NXPE2: variants seen among roughly 807,000 people sequenced by gnomAD.
NXPE2 encodes NXPE family member 2.
In NXPE2, 34 loss-of-function variants were observed where a neutral mutation model predicts 34.4. That is an observed-to-expected ratio of 0.99 (90% confidence interval 0.75 to 1.31). The LOEUF (loss-of-function observed/expected upper bound fraction) is 1.31, where lower values mean the gene tolerates loss of function less well. Ranked by LOEUF, NXPE2 falls within the 40% of genes most tolerant of loss-of-function variation. The probability of loss-of-function intolerance (pLI) is 0.00; values close to 1 mark genes in which losing one functional copy is unlikely to be tolerated. For missense variants in NXPE2, 649 were observed against 672.5 expected, an observed-to-expected ratio of 0.97 and a Z score of 0.39; for synonymous variants, 235 against 231.3, an observed-to-expected ratio of 1.02 and a Z score of -0.15.
chr11:114,601,427 C>G, the NXPE2 span, among the ~76,000 whole-genome samples: 1 of 128,720 alleles, frequency 7.8e-6, no homozygotes, highest in East Asian at 2.1e-4. Context: ...TAATTTTGTT[C>G]TTTTTAAATT....
the NXPE2 span, among the ~76,000 whole-genome samples, chr11:114,556,900 T>A: frequency 3.3e-5 from 5 of 151,776 alleles, no homozygotes; most frequent in African/African-American, 1.2e-4. Context: ...TTTTGACTTT[T>A]TTTTTTTTTT....
the NXPE2 span, among the ~76,000 whole-genome samples, chr11:114,805,267 A>G: frequency 2.0e-5 from 3 of 151,952 alleles, no homozygotes; most frequent in African/African-American, 7.2e-5. Context: ...TGAGCCACGC[A>G]GAAGATGGGT....
intron 2 of NXPE2, among the ~76,000 whole-genome samples, chr11:114,685,162 A>T (rs1297555411): frequency 6.6e-6 from 1 of 152,096 alleles, no homozygotes; most frequent in Non-Finnish European, 1.5e-5. Context: ...AAATCTTCAA[A>T]ATATATATAT....
chr11:114,679,641 C>A lies in NXPE2; in HGVS notation c.27-16C>A. The A allele has an allele frequency of 6.8e-7, 1 of 1,462,242 alleles. No individual in the cohort carries two copies. The highest frequency in any genetic ancestry group is 9.4e-7 in the Non-Finnish European group (1 of 1,067,564). The allele number at this position is 1,462,242 out of a possible 1,614,324, so 90.6% of individuals were successfully genotyped here. A position where few individuals can be genotyped will look rare whatever the true frequency, so the allele number is the denominator to read the frequency against. ...ATTTGATTTAATGTGATTATTTCTC[C>A]TGTCCTTTCTTATAGGATACTCACT... On this transcript the variant is annotated splice_polypyrimidine_tract_variant and intron_variant, in intron 1 of 5. Coordinates refer to ENST00000389586, the MANE Select transcript of NXPE2 (RefSeq NM_182495.6).
chr11:114,639,278 AGG>A, the NXPE2 span, among the ~76,000 whole-genome samples: 1 of 152,088 alleles, frequency 6.6e-6, no homozygotes, highest in Non-Finnish European at 1.5e-5. Context: ...AGCCAGGTGC[AGG>A]ATATAATCTC....
At chr11:114,655,801 A>G in the NXPE2 span, among the ~76,000 whole-genome samples, 2 of 152,330 alleles carry the variant, frequency 1.3e-5, no homozygotes, top group East Asian at 3.9e-4. Context: ...AACACATCTC[A>G]AAATCATAAG....
the NXPE2 span, among the ~76,000 whole-genome samples, chr11:114,592,136 C>A: frequency 1.3e-5 from 2 of 151,994 alleles, no homozygotes; most frequent in Non-Finnish European, 2.9e-5. Context: ...ACACTTTTTC[C>A]AGTTTTATTC....
chr11:114,767,887 A>T, the NXPE2 span, among the ~76,000 whole-genome samples: 1 of 152,162 alleles, frequency 6.6e-6, no homozygotes, highest in Non-Finnish European at 1.5e-5. Flanking sequence ...ACTTGGGTTT[A>T]CATCTTTCTT....
the NXPE2 span, among the ~76,000 whole-genome samples, chr11:114,759,094 G>A: frequency 2.4e-4 from 36 of 151,030 alleles, no homozygotes; most frequent in Admixed American, 7.9e-4. Context: ...GTACACATGC[G>A]CACACACACA....
chr11:114,646,653 C>A, the NXPE2 span, among the ~76,000 whole-genome samples: 1 of 152,114 alleles, frequency 6.6e-6, no homozygotes, highest in East Asian at 1.9e-4. Context: ...CCACCAAATA[C>A]CATTAAAATA....
the NXPE2 span, among the ~76,000 whole-genome samples, chr11:114,645,319 A>G: frequency 6.6e-6 from 1 of 152,032 alleles, no homozygotes; most frequent in Non-Finnish European, 1.5e-5. Flanking sequence ...ATAAGTAAAA[A>G]TAAAAAAACC....
At chr11:114,519,217 G>A in the NXPE2 span, among the ~76,000 whole-genome samples, 3 of 138,128 alleles carry the variant, frequency 2.2e-5, no homozygotes, top group African/African-American at 3.3e-5. Context: ...TACAGAAAAT[G>A]CTTTCCCCCC....
At chr11:114,606,775 T>C in the NXPE2 span, among the ~76,000 whole-genome samples, 1 of 151,960 alleles carries the variant, frequency 6.6e-6, no homozygotes, top group Non-Finnish European at 1.5e-5. Context: ...GTAACCACTA[T>C]TATCCAGTCG....
the NXPE2 span, among the ~76,000 whole-genome samples, chr11:114,519,399 A>T: frequency 6.6e-6 from 1 of 152,212 alleles, no homozygotes; most frequent in Non-Finnish European, 1.5e-5. Flanking sequence ...AAGAGATGGT[A>T]AATGTTTTAA....
chr11:114,603,109 AG>A, the NXPE2 span, among the ~76,000 whole-genome samples: 2 of 151,868 alleles, frequency 1.3e-5, no homozygotes, highest in Non-Finnish European at 2.9e-5. Flanking sequence ...CTTGTCTCAT[AG>A]GTAACTACTA....
intron 3 of NXPE2, among the ~76,000 whole-genome samples, chr11:114,701,709 G>A (rs149761546): frequency 3.3e-5 from 5 of 152,184 alleles, no homozygotes; most frequent in Admixed American, 2.6e-4. Flanking sequence ...TCCTTCTCAC[G>A]AATACAGGGA....
the NXPE2 span, among the ~76,000 whole-genome samples, chr11:114,619,070 A>G: frequency 2.6e-5 from 4 of 151,952 alleles, no homozygotes; most frequent in African/African-American, 9.7e-5. Context: ...CTGGTGGATA[A>G]TAAGTATTGC....
the NXPE2 span, among the ~76,000 whole-genome samples, chr11:114,615,989 G>A: frequency 1.3e-5 from 2 of 149,990 alleles, no homozygotes; most frequent in Non-Finnish European, 3.0e-5. Context: ...TCGTGGAAAA[G>A]CACTGTGACC....
the NXPE2 span, among the ~76,000 whole-genome samples, chr11:114,813,244 C>T: frequency 6.6e-6 from 1 of 152,216 alleles, no homozygotes; most frequent in Non-Finnish European, 1.5e-5. Flanking sequence ...GAGATCCTCC[C>T]TCTGGCGTCT....
Sources: gnomAD v4.1 joint callset for allele counts (sites outside exome capture counted in the v4.1 genomes callset) on GRCh38, gnomAD v4.1.1 for gene constraint, MANE v1.5 for transcripts, NCBI Gene and HGNC (gene_info 2026-07-23, HGNC 2026-07-21) for gene names.